The following GABRR1 variants were observed in gnomAD, a reference collection of about 807,000 sequenced individuals.
GABRR1 encodes gamma-aminobutyric acid type A receptor subunit rho1.
Under a neutral mutation model 55.5 loss-of-function variants are expected in GABRR1, and 59 were observed. That is an observed-to-expected ratio of 1.06 (90% CI 0.86 to 1.32). The LOEUF is 1.32. Ranked by LOEUF, GABRR1 falls within the 40% of genes most tolerant of loss-of-function variation. The pLI, the probability that GABRR1 is intolerant of heterozygous loss-of-function variation, is 0.00. For synonymous variants in GABRR1, 213 were observed against 226.0 expected (o/e 0.94, Z 0.51); for missense variants, 602 against 619.1 (o/e 0.97, Z 0.29).
At chr6:89,179,154 G>T in intron 9 of GABRR1, 91 bp from the exon 10 acceptor site, 1 of 1,307,366 alleles carries the variant, frequency 7.6e-7, no homozygotes, top group Non-Finnish European at 1.0e-6. Context: ...GGTGTTGCCT[G>T]GTTTCTGGTA....
chr6:89,223,811 T>C (rs1773151854), intron 1 of GABRR1, among the ~76,000 whole-genome samples: 1 of 151,682 alleles, frequency 6.6e-6, no homozygotes, highest in Non-Finnish European at 1.5e-5. Context: ...GTCGCCAGGC[T>C]GGAGTGCAAT....
intron 1 of GABRR1, 55 bp downstream of exon 1, chr6:89,217,146 G>A: frequency 6.3e-7 from 1 of 1,586,946 alleles, no homozygotes; most frequent in Non-Finnish European, 8.6e-7. Context: ...AACACTGTAA[G>A]CTCACTTTGT....
At chr6:89,214,408 T>C (rs1210225058) in intron 1 of GABRR1, among the ~76,000 whole-genome samples, 1 of 151,258 alleles carries the variant, frequency 6.6e-6, no homozygotes, top group Admixed American at 6.6e-5. Context: ...TGAGATTACA[T>C]CAAACTAAAA....
chr6:89,196,868 AAAGAAAGAAAGAGAAG>A (rs2127797701), intron 5 of GABRR1, among the ~76,000 whole-genome samples: 1 of 141,024 alleles, frequency 7.1e-6, no homozygotes, highest in African/African-American at 2.6e-5. Context: ...AGAAAGAAAG[AAAGAAAGAAAGAGAAG>A]AGAAGAAAAA....
intron 5 of GABRR1, among the ~76,000 whole-genome samples, chr6:89,194,508 G>C (rs1316362056): frequency 6.6e-6 from 1 of 152,068 alleles, no homozygotes; most frequent in Non-Finnish European, 1.5e-5. Context: ...AGAAACAACA[G>C]CAAACAGGGA....
chr6:89,209,907 T>C (rs1772771603), intron 1 of GABRR1, among the ~76,000 whole-genome samples: 1 of 152,142 alleles, frequency 6.6e-6, no homozygotes, highest in African/African-American at 2.4e-5. Flanking sequence ...AAATGTTAAT[T>C]TGAACCACAG....
intron 7 of GABRR1, 66 bp downstream of exon 7, chr6:89,185,244 T>C (rs918349539): frequency 5.2e-5 from 83 of 1,595,942 alleles, no homozygotes; most frequent in Non-Finnish European, 6.8e-5. Flanking sequence ...TTTCCTATAA[T>C]AGAGGGTGAA....
chr6:89,179,660 G>A (rs1461168786), intron 9 of GABRR1, among the ~76,000 whole-genome samples: 2 of 152,198 alleles, frequency 1.3e-5, no homozygotes, highest in Non-Finnish European at 2.9e-5. Flanking sequence ...ATGAGCCCTT[G>A]ATAAAAATGT....
At chr6:89,194,998 A>G (rs1454462311) in intron 5 of GABRR1, among the ~76,000 whole-genome samples, 1 of 152,222 alleles carries the variant, frequency 6.6e-6, no homozygotes, top group African/African-American at 2.4e-5. Context: ...GAAACTTTCC[A>G]AAACTCAAGA....
upstream of GABRR1, among the ~76,000 whole-genome samples, chr6:89,219,221 G>A (rs1242933009): frequency 6.6e-6 from 1 of 152,032 alleles, no homozygotes; most frequent in Non-Finnish European, 1.5e-5. Context: ...AGCCGAGATC[G>A]CACCACTGCA....
chr6:89,200,561 C>T (rs12198606), intron 3 of GABRR1, among the ~76,000 whole-genome samples: 18,105 of 148,622 alleles, frequency 0.12, 1,198 homozygotes, highest in South Asian at 0.2. Context: ...CATGCCCGGC[C>T]GAGAATGATT....
At chr6:89,201,595 C>T (rs898692972) in intron 2 of GABRR1, among the ~76,000 whole-genome samples, 10 of 152,060 alleles carry the variant, frequency 6.6e-5, no homozygotes, top group South Asian at 4.2e-4. Context: ...CTGGCTAACA[C>T]GGTGAAACCC....
intron 7 of GABRR1, among the ~76,000 whole-genome samples, chr6:89,184,634 C>T (rs541849106): frequency 6.6e-6 from 1 of 152,258 alleles, no homozygotes; most frequent in East Asian, 1.9e-4. Flanking sequence ...AACAGCAGAC[C>T]TGAATTGTAT....
At chr6:89,217,138 C>T (rs1337133660) in intron 1 of GABRR1, 63 bp downstream of exon 1, 11 of 1,561,844 alleles carry the variant, frequency 7.0e-6, no homozygotes, top group Non-Finnish European at 9.6e-6. Flanking sequence ...TCTAGAAGAA[C>T]ACTGTAAGCT....
At chr6:89,225,592 A>G (rs1361705156) in intron 1 of GABRR1, among the ~76,000 whole-genome samples, 2 of 130,002 alleles carry the variant, frequency 1.5e-5, no homozygotes, top group African/African-American at 6.1e-5. Context: ...AAGGGCATGA[A>G]CTCATCATTT....
chr6:89,179,965 T>C (rs934323674), intron 9 of GABRR1, among the ~76,000 whole-genome samples: 1 of 152,214 alleles, frequency 6.6e-6, no homozygotes, highest in African/African-American at 2.4e-5. Context: ...TGTCCCACTA[T>C]GTTAAATTGT....
Position 89,188,343 on chromosome 6 carries a change from G to A in GABRR1, c.655+1822C>T, listed in dbSNP as rs1018065778. 2.0e-5 allele frequency among the ~76,000 whole-genome samples: 3 copies of A among 152,090 alleles called. No individual in the cohort carries two copies. The East Asian group carries it at 5.8e-4, about 29-fold the overall frequency. On this transcript the variant is annotated intron_variant, in intron 6 of 9. Coordinates refer to ENST00000454853, the MANE Select transcript of GABRR1 (RefSeq NM_002042.5). ...CCAGCCATTGTTTTAATTTTTTGAG[G>A]AGCTGTTTTCCCCAGTGGCTGCACC...
chr6:89,230,484 C>T (rs1238583931), intron 1 of GABRR1, among the ~76,000 whole-genome samples: 2 of 151,688 alleles, frequency 1.3e-5, no homozygotes, highest in Non-Finnish European at 2.9e-5. Context: ...TTCTAACAGA[C>T]AGGACCCTCA....
chr6:89,229,653 C>A (rs1373584030), intron 1 of GABRR1, among the ~76,000 whole-genome samples: 1 of 104,800 alleles, frequency 9.5e-6, no homozygotes, highest in African/African-American at 3.5e-5. Context: ...GATGGGCTTC[C>A]CTTTGAGGGT....
Sources: gnomAD v4.1 joint callset for allele counts (sites outside exome capture counted in the v4.1 genomes callset) on GRCh38, gnomAD v4.1.1 for gene constraint, MANE v1.5 for transcripts, NCBI Gene and HGNC (gene_info 2026-07-23, HGNC 2026-07-21) for gene names.